SOBP: variants seen among roughly 807,000 people sequenced by gnomAD.
SOBP encodes sine oculis-binding protein homolog.
SOBP carries 4 observed loss-of-function variants against 53.6 expected under a neutral mutation model. That is an observed-to-expected ratio of 0.07 (90% CI 0.04 to 0.17). The LOEUF (loss-of-function observed/expected upper bound fraction) is 0.17, where lower values mean the gene tolerates loss of function less well. Among genes scored for constraint, SOBP ranks in the 10% least tolerant of loss-of-function variants. The pLI is 1.00. For missense variants in SOBP, 1,088 were observed against 1,204.7 expected, an observed-to-expected ratio of 0.90 and a Z score of 1.43; for synonymous variants, 584 against 522.6, an observed-to-expected ratio of 1.12 and a Z score of -1.60.
intron 5 of SOBP, among the ~76,000 whole-genome samples, chr6:107,598,878 T>G (rs1436993838): frequency 6.6e-6 from 1 of 152,194 alleles, no homozygotes; most frequent in Non-Finnish European, 1.5e-5. Flanking sequence ...TCCTGTAAAT[T>G]TAGATTTTGG....
chr6:107,609,778 G>C (rs1186802779), intron 5 of SOBP, among the ~76,000 whole-genome samples: 1 of 152,090 alleles, frequency 6.6e-6, no homozygotes, highest in Admixed American at 6.5e-5. Flanking sequence ...ACTCCCACCA[G>C]ACCATCACTG....
chr6:107,656,371 A>AAGAAAGAAAGAC (rs139349510), intron 6 of SOBP, among the ~76,000 whole-genome samples: 2 of 79,316 alleles, frequency 2.5e-5, no homozygotes, highest in Non-Finnish European at 4.4e-5. Flanking sequence ...GAAAGAAAGT[A>AAGAAAGAAAGAC]AGTCAAATGT....
intron 6 of SOBP, among the ~76,000 whole-genome samples, chr6:107,652,114 CA>C (rs1295691091): frequency 1.3e-5 from 2 of 152,148 alleles, no homozygotes; most frequent in Non-Finnish European, 2.9e-5. Context: ...TTTTGACTTC[CA>C]AGTCTTATCA....
intron 2 of SOBP, 96 bp downstream of exon 2, chr6:107,503,891 T>C: frequency 7.1e-7 from 1 of 1,418,200 alleles, no homozygotes; most frequent in Non-Finnish European, 9.9e-7. Flanking sequence ...TGAGTTGCTT[T>C]GTTGATTATG....
At chr6:107,551,123 G>A (rs780603552) in intron 4 of SOBP, among the ~76,000 whole-genome samples, 7 of 152,166 alleles carry the variant, frequency 4.6e-5, no homozygotes, top group East Asian at 1.9e-4. Flanking sequence ...TCCTACGGCC[G>A]AGAAAACTGT....
At chr6:107,540,640 A>G (rs958671928) in intron 4 of SOBP, among the ~76,000 whole-genome samples, 3 of 152,230 alleles carry the variant, frequency 2.0e-5, no homozygotes, top group Non-Finnish European at 4.4e-5. Flanking sequence ...TAATGAATCC[A>G]TAAAGATGCT....
intron 4 of SOBP, among the ~76,000 whole-genome samples, chr6:107,545,261 T>G (rs544561129): frequency 5.9e-5 from 9 of 152,284 alleles, no homozygotes; most frequent in African/African-American, 1.4e-4. Context: ...TTGTTATATA[T>G]AGAGAGAACT....
chr6:107,617,227 C>A (rs1041074922), intron 5 of SOBP, among the ~76,000 whole-genome samples: 1 of 152,134 alleles, frequency 6.6e-6, no homozygotes, highest in Admixed American at 6.5e-5. Flanking sequence ...CCTCACATAC[C>A]TTCCACATCC....
exon 7 of SOBP, among the ~76,000 whole-genome samples, chr6:107,661,304 CAAT>C (rs1772284952): frequency 6.6e-6 from 1 of 152,142 alleles, no homozygotes; most frequent in African/African-American, 2.4e-5. Flanking sequence ...GAAATAGAAA[CAAT>C]AATGTATGTA....
chr6:107,573,430 TGCCAGGCATTGTGTGGGGCACTGC>T (rs777463945), intron 4 of SOBP, among the ~76,000 whole-genome samples: 2 of 152,208 alleles, frequency 1.3e-5, no homozygotes, highest in African/African-American at 2.4e-5. Context: ...ACTTATTCTG[TGCCAGGCATTGTGTGGGGCACTGC>T]GCCAGGCATT....
At position 107,633,718 on chromosome 6, in the gene SOBP, G is replaced by A. The variant is rs374363549; in HGVS notation, c.874G>A (p.Val292Met). ...GGAAAATAAAGCAGAAGGCACCGGG[G>A]TGCAGCTGCTCACTCCAGACTCTTG... The part of the protein sequence containing the change: ...PMENKAEGTG[V>M]QLLTPDSWNI... The change falls in exon 6 of 7, where the codon GTG becomes ATG. Residue 292 changes from valine to methionine, a missense_variant. Around this residue, in one of 6 missense-constraint regions of SOBP, gnomAD observed 211 missense variants for 258.9 expected, o/e 0.82. Coordinates refer to ENST00000317357, the MANE Select transcript of SOBP (RefSeq NM_018013.4). 6.2e-7 allele frequency: 1 copy of A among 1,614,114 alleles called. No individual in the cohort carries two copies. The highest frequency in any genetic ancestry group is 8.5e-7 in the Non-Finnish European group (1 of 1,180,044).
At chr6:107,658,020 G>C (rs1023096435) in intron 6 of SOBP, among the ~76,000 whole-genome samples, 187 bp from the exon 7 acceptor site, 9 of 152,138 alleles carry the variant, frequency 5.9e-5, no homozygotes, top group Admixed American at 2.0e-4. Context: ...GCTGACCTGA[G>C]CAGACCGTGA....
At chr6:107,608,287 C>T (rs1786465016) in intron 5 of SOBP, among the ~76,000 whole-genome samples, 1 of 152,058 alleles carries the variant, frequency 6.6e-6, no homozygotes, top group Non-Finnish European at 1.5e-5. Flanking sequence ...CTCTGAGTTT[C>T]CTCGTTGGTG....
Position 107,493,318 on chromosome 6 carries a change from C to T in SOBP, c.96+2606C>T, listed in dbSNP as rs184617570. On this transcript the variant is annotated intron_variant, in intron 1 of 6. Coordinates refer to ENST00000317357, the MANE Select transcript of SOBP (RefSeq NM_018013.4). ...TAAGCCCTGGTAAGTAATCACTGCC[C>T]GGCAGAAAGAAAGGAATGTATACAG... Among the ~76,000 whole-genome samples, 11 of 152,144 alleles carry T rather than the reference C, an allele frequency of 7.2e-5. No individual in the cohort carries two copies. In the East Asian group the frequency reaches 9.6e-4, roughly 13 times the overall value.
chr6:107,653,920 T>C (rs1191862556), intron 6 of SOBP, among the ~76,000 whole-genome samples: 2 of 152,244 alleles, frequency 1.3e-5, no homozygotes, highest in African/African-American at 2.4e-5. Context: ...ATTTTGACAG[T>C]ATCAACATTG....
intron 3 of SOBP, among the ~76,000 whole-genome samples, chr6:107,518,644 A>G (rs1487955260): frequency 6.6e-6 from 1 of 152,202 alleles, no homozygotes; most frequent in Non-Finnish European, 1.5e-5. Flanking sequence ...AGCAATCATT[A>G]ACATACACTT....
intron 4 of SOBP, among the ~76,000 whole-genome samples, chr6:107,542,053 C>A (rs555624209): frequency 6.6e-6 from 1 of 151,268 alleles, no homozygotes; most frequent in African/African-American, 2.4e-5. Flanking sequence ...AGAAAAAGTC[C>A]CTGTCTTAAA....
chr6:107,583,651 A>T (rs1270054612), intron 4 of SOBP, among the ~76,000 whole-genome samples: 1 of 151,966 alleles, frequency 6.6e-6, no homozygotes, highest in East Asian at 1.9e-4. Flanking sequence ...TCAGCCTCCC[A>T]AGTAGCTAGG....
At chr6:107,604,654 G>A (rs1201584427) in intron 5 of SOBP, among the ~76,000 whole-genome samples, 2 of 152,096 alleles carry the variant, frequency 1.3e-5, no homozygotes, top group African/African-American at 4.8e-5. Flanking sequence ...TGAGGTCAGG[G>A]GACAGGCGGG....
Sources: allele counts gnomAD v4.1 joint callset (sites outside exome capture counted in the v4.1 genomes callset), GRCh38; gene constraint gnomAD v4.1.1; regional missense constraint gnomAD v4.1.1; transcripts MANE v1.5; gene names NCBI Gene and HGNC (gene_info 2026-07-23, HGNC 2026-07-21).